GABRA3: variants seen among roughly 807,000 people sequenced by gnomAD.
GABRA3 encodes the protein gamma-aminobutyric acid type A receptor subunit alpha3, also known as gamma-aminobutyric acid receptor subunit alpha-3.
In GABRA3, 10 loss-of-function variants were observed where a neutral mutation model predicts 30.1. That is an observed-to-expected ratio of 0.33 (90% CI 0.20 to 0.56). The LOEUF (loss-of-function observed/expected upper bound fraction) is 0.56. GABRA3 is among the 20% of genes least tolerant of loss of function. GABRA3 has a pLI of 0.89. For synonymous variants in GABRA3, 151 were observed against 146.8 expected, an observed-to-expected ratio of 1.03 and a Z score of -0.21; for missense variants, 233 against 392.0, an observed-to-expected ratio of 0.59 and a Z score of 3.42.
At chrX:152,255,369 A>T (rs981650109) in intron 5 of GABRA3, among the ~76,000 whole-genome samples, 41 of 112,322 alleles carry the variant, frequency 3.7e-4, no homozygotes, top group Non-Finnish European at 6.6e-4. Flanking sequence ...ACAACTCTGC[A>T]TCATAGGGAT....
intron 3 of GABRA3, among the ~76,000 whole-genome samples, chrX:152,298,398 C>T (rs755491065): frequency 5.7e-5 from 6 of 105,219 alleles, no homozygotes; most frequent in African/African-American, 1.8e-4. Context: ...CAACAGGCCC[C>T]GGTGTGTGAT....
At chrX:152,220,220 C>T (rs1425187120) in intron 6 of GABRA3, among the ~76,000 whole-genome samples, 1 of 111,501 alleles carries the variant, frequency 9.0e-6, no homozygotes, top group Non-Finnish European at 1.9e-5. Context: ...TGTCAGGAAT[C>T]TGGAAATACA....
intron 4 of GABRA3, among the ~76,000 whole-genome samples, chrX:152,278,266 C>G (rs998029745): frequency 1.9e-5 from 2 of 104,420 alleles, no homozygotes; most frequent in East Asian, 3.0e-4. Flanking sequence ...TTCTTCCCCC[C>G]ACCCCACAAC....
chrX:152,198,902 A>T (rs1937425420), intron 7 of GABRA3, among the ~76,000 whole-genome samples: 1 of 112,052 alleles, frequency 8.9e-6, no homozygotes, highest in Admixed American at 9.4e-5. Context: ...AGCCCCTGTT[A>T]CCACAGACTG....
chrX:152,290,246 C>A (rs767987371), intron 3 of GABRA3, among the ~76,000 whole-genome samples: 19 of 112,291 alleles, frequency 1.7e-4, no homozygotes, highest in Non-Finnish European at 3.6e-4. Flanking sequence ...TTTTGATTTG[C>A]ATTTCTCTGA....
intron 9 of GABRA3, 117 bp downstream of exon 9, chrX:152,189,613 A>C: frequency 4.1e-6 from 2 of 491,965 alleles, no homozygotes. Flanking sequence ...TGGATTGATG[A>C]CCCCAGTGCA....
chrX:152,201,162 A>G (rs4828690), intron 7 of GABRA3, among the ~76,000 whole-genome samples: 15,124 of 111,999 alleles, frequency 0.14, 793 homozygotes, highest in Admixed American at 0.23. Context: ...CAATTAACTT[A>G]ATCAGTTTTC....
chrX:152,333,874 A>AT (rs1181993489), intron 3 of GABRA3, among the ~76,000 whole-genome samples: 2 of 111,761 alleles, frequency 1.8e-5, no homozygotes, highest in Non-Finnish European at 3.8e-5. Flanking sequence ...ACCTGAGTAG[A>AT]TTTTTTTCTC....
chrX:152,281,725 G>A (rs1289760470), intron 4 of GABRA3, among the ~76,000 whole-genome samples: 1 of 111,362 alleles, frequency 9.0e-6, no homozygotes, highest in Non-Finnish European at 1.9e-5. Flanking sequence ...TGTCTCCTGA[G>A]GAAAGCTATT....
At chrX:152,311,206 T>C (rs1034392010) in intron 3 of GABRA3, among the ~76,000 whole-genome samples, 2 of 111,722 alleles carry the variant, frequency 1.8e-5, no homozygotes, top group Admixed American at 9.5e-5. Context: ...TAACTCATTC[T>C]ATGAAGCCAG....
intron 5 of GABRA3, among the ~76,000 whole-genome samples, chrX:152,226,724 A>G (rs1937963661): frequency 8.9e-6 from 1 of 112,013 alleles, no homozygotes; most frequent in East Asian, 2.8e-4. Flanking sequence ...TGGGCGAAGG[A>G]TATGAACAGA....
chrX:152,329,132 C>T (rs1241928715), intron 3 of GABRA3, among the ~76,000 whole-genome samples: 1 of 111,594 alleles, frequency 9.0e-6, no homozygotes, highest in African/African-American at 3.3e-5. Flanking sequence ...AGGAATCCAA[C>T]TTACAAGGGA....
chrX:152,264,703 T>C (rs1359453709), intron 4 of GABRA3, among the ~76,000 whole-genome samples: 1 of 110,032 alleles, frequency 9.1e-6, no homozygotes, highest in Non-Finnish European at 1.9e-5. Context: ...ATACAGTGGG[T>C]GAATGGATGA....
chrX:152,406,159 T>C (rs905701516), intron 1 of GABRA3, among the ~76,000 whole-genome samples: 1 of 109,440 alleles, frequency 9.1e-6, no homozygotes, highest in African/African-American at 3.3e-5. Context: ...AATCACAAGA[T>C]ATATGAGAGA....
At chrX:152,408,996 T>G in intron 1 of GABRA3, among the ~76,000 whole-genome samples, 1 of 111,779 alleles carries the variant, frequency 8.9e-6, no homozygotes, top group East Asian at 2.8e-4. Context: ...TATATGTTGC[T>G]GAGAAAACTG....
At chrX:152,201,542 A>G (rs1937484613) in intron 7 of GABRA3, among the ~76,000 whole-genome samples, 1 of 111,781 alleles carries the variant, frequency 8.9e-6, no homozygotes, top group Admixed American at 9.5e-5. Flanking sequence ...CTTATTATGA[A>G]GGATGGCCCT....
At chrX:152,230,553 C>T (rs192748836) in intron 5 of GABRA3, among the ~76,000 whole-genome samples, 4 of 111,008 alleles carry the variant, frequency 3.6e-5, no homozygotes, top group African/African-American at 9.8e-5. Context: ...TGAGTACTTA[C>T]ACTTTCCAGT....
intron 3 of GABRA3, among the ~76,000 whole-genome samples, chrX:152,293,898 C>T (rs1204413305): frequency 2.7e-5 from 3 of 111,462 alleles, no homozygotes; most frequent in African/African-American, 9.8e-5. Context: ...CTTAGTTTGG[C>T]TGGATATGAC....
intron 3 of GABRA3, among the ~76,000 whole-genome samples, chrX:152,336,121 T>C (rs1940230675): frequency 9.0e-6 from 1 of 111,216 alleles, no homozygotes; most frequent in South Asian, 3.8e-4. Flanking sequence ...CTGAGACCTA[T>C]GTTAAAAGAT....
Sources: allele counts gnomAD v4.1 joint callset (sites outside exome capture counted in the v4.1 genomes callset), GRCh38; gene constraint gnomAD v4.1.1; transcripts MANE v1.5; gene names NCBI Gene and HGNC (gene_info 2026-07-23, HGNC 2026-07-21).